Variants in SORCS1 observed in about 807,000 individuals in gnomAD.
SORCS1 encodes the protein VPS10 domain-containing receptor SorCS1.
A neutral mutation model predicts 146.1 loss-of-function variants in SORCS1; 60 were observed. That is an observed-to-expected ratio of 0.41 (90% CI 0.33 to 0.51). The LOEUF (loss-of-function observed/expected upper bound fraction) is 0.51, where lower values mean the gene tolerates loss of function less well. Among genes scored for constraint, SORCS1 ranks in the 20% least tolerant of loss-of-function variants. The pLI, the probability that SORCS1 is intolerant of heterozygous loss-of-function variation, is 0.21. For synonymous variants in SORCS1, 637 were observed against 584.0 expected (o/e 1.09, Z -1.31); for missense variants, 1,352 against 1,487.6 (o/e 0.91, Z 1.50).
chr10:106,732,655 G>A (rs546638630), intron 5 of SORCS1, among the ~76,000 whole-genome samples: 1 of 152,180 alleles, frequency 6.6e-6, no homozygotes, highest in African/African-American at 2.4e-5. Context: ...TATCTACTTG[G>A]CTTACGGCTA....
chr10:107,153,746 G>A (rs950808628), intron 1 of SORCS1, among the ~76,000 whole-genome samples: 17 of 152,130 alleles, frequency 1.1e-4, no homozygotes, highest in African/African-American at 3.4e-4. Context: ...TCACAAACTC[G>A]TTTGCTCTCT....
At chr10:106,955,572 C>G (rs971904670) in intron 2 of SORCS1, among the ~76,000 whole-genome samples, 2 of 152,236 alleles carry the variant, frequency 1.3e-5, no homozygotes, top group Admixed American at 6.5e-5. Context: ...CATTTCCATA[C>G]TCTATATGTG....
chr10:106,838,320 G>A (rs369847634), intron 2 of SORCS1, among the ~76,000 whole-genome samples: 1 of 152,034 alleles, frequency 6.6e-6, no homozygotes, highest in South Asian at 2.1e-4. Context: ...AAAACAGAGT[G>A]GAAAATAAGT....
intron 6 of SORCS1, among the ~76,000 whole-genome samples, chr10:106,713,547 A>C (rs1235959318): frequency 1.3e-5 from 2 of 152,222 alleles, no homozygotes; most frequent in Admixed American, 1.3e-4. Flanking sequence ...TTTAGGGAGA[A>C]AACAAAGATG....
At chr10:106,809,018 T>A (rs1350154259) in intron 3 of SORCS1, among the ~76,000 whole-genome samples, 3 of 152,234 alleles carry the variant, frequency 2.0e-5, no homozygotes, top group Middle Eastern at 3.4e-3. Flanking sequence ...CAGTTGTCCC[T>A]TTTACCGCCA....
chr10:106,808,564 G>A (rs1421464537), intron 3 of SORCS1, among the ~76,000 whole-genome samples: 4 of 152,004 alleles, frequency 2.6e-5, no homozygotes, highest in East Asian at 1.9e-4. Context: ...GTGCAGTGGC[G>A]TGATCTCGGC....
intron 1 of SORCS1, among the ~76,000 whole-genome samples, chr10:107,074,230 A>T (rs528743730): frequency 1.3e-5 from 2 of 152,146 alleles, no homozygotes; most frequent in African/African-American, 2.4e-5. Flanking sequence ...GCAACCACTC[A>T]TCTTTTTACT....
rs1042091159 is a variant in SORCS1, at chr10:106,805,291, G to A, written c.726+24283C>T. On this transcript the variant is annotated intron_variant, in intron 3 of 25. Transcript: ENST00000263054. The stretch of plus-strand genomic sequence containing the variant: ...ATAAGGATCCTACGAAACTAACCAG[G>A]GAGATTTGAAAGGATTAACTTACTC... 1.2e-4 allele frequency among the ~76,000 whole-genome samples: 18 copies of A among 151,958 alleles called. 1 individual carries two copies. The highest frequency in any genetic ancestry group is 2.2e-4 in the Non-Finnish European group (15 of 67,902).
At chr10:106,702,575 T>G (rs1854211182) in intron 8 of SORCS1, among the ~76,000 whole-genome samples, 1 of 152,224 alleles carries the variant, frequency 6.6e-6, no homozygotes, top group African/African-American at 2.4e-5. Flanking sequence ...AATCACACAA[T>G]GATAACAGAT....
intron 3 of SORCS1, among the ~76,000 whole-genome samples, chr10:106,801,839 G>A (rs546450831): frequency 2.0e-5 from 3 of 152,086 alleles, no homozygotes; most frequent in South Asian, 2.1e-4. Flanking sequence ...TAGTATAGAC[G>A]ACAGTTTACA....
chr10:106,813,608 C>T (rs1321226186), intron 3 of SORCS1, among the ~76,000 whole-genome samples: 1 of 152,130 alleles, frequency 6.6e-6, no homozygotes, highest in Non-Finnish European at 1.5e-5. Flanking sequence ...CATTGAAAAT[C>T]TATCTTGATT....
intron 1 of SORCS1, among the ~76,000 whole-genome samples, chr10:107,102,718 C>T (rs1384971980): frequency 6.6e-6 from 1 of 152,132 alleles, no homozygotes; most frequent in African/African-American, 2.4e-5. Context: ...CTTAACTCAG[C>T]CTTTTCTATT....
chr10:107,084,708 CA>C (rs1963632578), intron 1 of SORCS1, among the ~76,000 whole-genome samples: 1 of 152,004 alleles, frequency 6.6e-6, no homozygotes, highest in Non-Finnish European at 1.5e-5. Flanking sequence ...GGTAGAGGTA[CA>C]GTAATGCATT....
intron 1 of SORCS1, among the ~76,000 whole-genome samples, chr10:107,056,057 A>G (rs776750955): frequency 7.2e-5 from 11 of 152,226 alleles, no homozygotes; most frequent in Non-Finnish European, 1.0e-4. Context: ...CATTTGGCAG[A>G]AACAAAAAGT....
intron 2 of SORCS1, among the ~76,000 whole-genome samples, chr10:106,873,003 T>C (rs892806834): frequency 6.6e-6 from 1 of 152,070 alleles, no homozygotes; most frequent in Non-Finnish European, 1.5e-5. Flanking sequence ...TGAAACCCCA[T>C]CTCTACTAAA....
At chr10:107,021,613 GTGACCTTCT>G (rs1241881081) in intron 1 of SORCS1, among the ~76,000 whole-genome samples, 1 of 140,574 alleles carries the variant, frequency 7.1e-6, no homozygotes, top group Non-Finnish European at 1.5e-5. Context: ...ATGTTTCTTT[GTGACCTTCT>G]TGATCTAAAA....
intron 19 of SORCS1, among the ~76,000 whole-genome samples, chr10:106,622,262 C>A (rs1847797680): frequency 7.1e-6 from 1 of 140,480 alleles, no homozygotes; most frequent in African/African-American, 2.7e-5. Flanking sequence ...TGCACTCCAG[C>A]CTGGTGACAG....
chr10:106,579,487 A>G lies in SORCS1; in HGVS notation c.3266-13T>C, dbSNP rs753178440. 2 of 1,613,378 alleles carry G rather than the reference A, an allele frequency of 1.2e-6. No individual in the cohort carries two copies. The highest frequency in any genetic ancestry group is 8.5e-7 in the Non-Finnish European group (1 of 1,179,718). On this transcript the variant is annotated splice_polypyrimidine_tract_variant and intron_variant, in intron 24 of 25. Coordinates refer to ENST00000263054, the MANE Select transcript of SORCS1 (RefSeq NM_052918.5). ...TCCACCAGGGGGGCTTGTGGGGGAA[A>G]CAGAGCAGAGAAAAATGAGCAGAGA...
Position 107,159,099 on chromosome 10 carries a change from C to G in SORCS1, c.558+4870G>C, listed in dbSNP as rs150388387. On this transcript the variant is annotated intron_variant, in intron 1 of 25. Coordinates refer to ENST00000263054, the MANE Select transcript of SORCS1 (RefSeq NM_052918.5). ...CAATAAACTATGTTTTGCTGCAAAC[C>G]CATGTGCACAGATTGAAATGAAGGC... Among the ~76,000 whole-genome samples, 254 of 152,134 alleles carry G rather than the reference C, an allele frequency of 1.7e-3. 1 individual carries two copies. The highest frequency in any genetic ancestry group is 2.8e-3 in the Non-Finnish European group (189 of 67,994).
Sources: allele counts gnomAD v4.1 joint callset (sites outside exome capture counted in the v4.1 genomes callset), GRCh38; gene constraint gnomAD v4.1.1; transcripts MANE v1.5; gene names NCBI Gene and HGNC (gene_info 2026-07-23, HGNC 2026-07-21).